Variants in DCHS2 observed in about 807,000 individuals in gnomAD.
The protein encoded by DCHS2 is dachsous cadherin-related 2.
DCHS2 carries 142 observed loss-of-function variants against 182.4 expected under a neutral mutation model. The ratio of observed to expected loss-of-function variants is 0.78; its 90% CI spans 0.68 to 0.89. The LOEUF (loss-of-function observed/expected upper bound fraction) is 0.89. Ranked by LOEUF, DCHS2 falls within the 40% of genes least tolerant of loss-of-function variation. The pLI is 0.00. For synonymous variants in DCHS2, 1,740 were observed against 1,663.3 expected, an observed-to-expected ratio of 1.05 and a Z score of -1.12; for missense variants, 4,319 against 4,198.6, an observed-to-expected ratio of 1.03 and a Z score of -0.79.
intron 5 of DCHS2, among the ~76,000 whole-genome samples, chr4:154,329,990 T>C (rs1736457434): frequency 6.6e-6 from 1 of 152,192 alleles, no homozygotes; most frequent in Admixed American, 6.5e-5. Flanking sequence ...TAAAACTCCG[T>C]GGGAACTTAG....
At chr4:154,371,250 A>C (rs1464793012) in intron 2 of DCHS2, among the ~76,000 whole-genome samples, 1 of 152,142 alleles carries the variant, frequency 6.6e-6, no homozygotes, top group Non-Finnish European at 1.5e-5. Context: ...TCAGACAACA[A>C]GAACTTCAAA....
At chr4:154,243,558 T>C (rs1289607273) in intron 16 of DCHS2, among the ~76,000 whole-genome samples, 1 of 152,156 alleles carries the variant, frequency 6.6e-6, no homozygotes, top group Non-Finnish European at 1.5e-5. Flanking sequence ...CACTCCTACC[T>C]TCAGAGCCCT....
Position 154,335,104 on chromosome 4 carries a change from C to G in DCHS2, c.2477G>C (p.Gly826Ala), listed in dbSNP as rs895949976. Residue 826 changes from glycine to alanine, a missense_variant and splice_region_variant, in exon 4 of 20, where the codon GGA (glycine) becomes GCA (alanine). Gly to Ala is a moderately conservative substitution (Grantham distance 60). Transcript: ENST00000357232. ...AAGAGGTAATGTTAAGTAAATAATT[C>G]CTGGGTAGGGAAAAGAAAACATTGG... ...SSLFTIDSTT[G>A]IIYLTLPLSH... 2.5e-6 allele frequency: 4 copies of G among 1,584,084 alleles called. No individual in the cohort carries two copies. The highest frequency in any genetic ancestry group is 1.7e-6 in the Non-Finnish European group (2 of 1,152,994).
chr4:154,340,852 T>C (rs769166986), intron 3 of DCHS2, among the ~76,000 whole-genome samples: 2 of 152,204 alleles, frequency 1.3e-5, no homozygotes, highest in Non-Finnish European at 2.9e-5. Flanking sequence ...TAACTAAGTG[T>C]AACGTCAACA....
intron 1 of DCHS2, among the ~76,000 whole-genome samples, chr4:154,453,218 C>T (rs1039570256): frequency 6.6e-6 from 1 of 150,662 alleles, no homozygotes; most frequent in Non-Finnish European, 1.5e-5. Flanking sequence ...AAGGGCCTTA[C>T]GGGACTGCAG....
intron 1 of DCHS2, among the ~76,000 whole-genome samples, chr4:154,391,891 G>A (rs544891264): frequency 6.6e-6 from 1 of 152,136 alleles, no homozygotes; most frequent in Non-Finnish European, 1.5e-5. Flanking sequence ...AGACCATTGT[G>A]CAGAGTTACA....
intron 1 of DCHS2, among the ~76,000 whole-genome samples, chr4:154,419,737 A>G (rs971382922): frequency 1.5e-4 from 22 of 151,082 alleles, no homozygotes; most frequent in African/African-American, 5.1e-4. Context: ...GGAGTCATCT[A>G]AGTCCATATG....
chr4:154,311,432 G>C (rs1377035186), intron 10 of DCHS2, among the ~76,000 whole-genome samples: 2 of 150,456 alleles, frequency 1.3e-5, no homozygotes, highest in Non-Finnish European at 3.0e-5. Context: ...GTGAGGTCTT[G>C]CTATGTTGCC....
At chr4:154,294,406 C>T (rs751996343) in intron 13 of DCHS2, among the ~76,000 whole-genome samples, 8 of 152,154 alleles carry the variant, frequency 5.3e-5, no homozygotes, top group Non-Finnish European at 7.4e-5. Context: ...TTAAACAGTA[C>T]AGCTGATATG....
intron 12 of DCHS2, among the ~76,000 whole-genome samples, chr4:154,300,654 C>A (rs141647192): frequency 3.3e-5 from 5 of 151,632 alleles, no homozygotes; most frequent in African/African-American, 1.2e-4. Context: ...TGTGCTGCTG[C>A]GGTGAGCTGT....
chr4:154,339,606 C>A (rs952096761), intron 3 of DCHS2, among the ~76,000 whole-genome samples: 3 of 152,076 alleles, frequency 2.0e-5, no homozygotes, highest in African/African-American at 7.2e-5. Flanking sequence ...CCTACCATCA[C>A]GCCTAGCTAA....
chr4:154,310,791 G>A (rs1179774834), intron 10 of DCHS2, among the ~76,000 whole-genome samples: 2 of 152,136 alleles, frequency 1.3e-5, no homozygotes, highest in Non-Finnish European at 2.9e-5. Context: ...GAGATATTAT[G>A]ATGACATCAT....
chr4:154,317,817 C>T (rs186174626), intron 9 of DCHS2, among the ~76,000 whole-genome samples: 47 of 152,196 alleles, frequency 3.1e-4, no homozygotes, highest in Non-Finnish European at 4.6e-4. Flanking sequence ...GGGTGAGTGA[C>T]ATTTCTGCAG....
intron 1 of DCHS2, among the ~76,000 whole-genome samples, chr4:154,387,195 G>A (rs773512129): frequency 1.3e-5 from 2 of 152,136 alleles, no homozygotes; most frequent in East Asian, 1.9e-4. Flanking sequence ...AAGCAACCAC[G>A]AATTCTACTA....
At position 154,417,194 on chromosome 4, in the gene DCHS2, TGTGTGTGTGTGAGAGA is replaced by T. The variant is rs1487672953; in HGVS notation, c.2053-39766_2053-39751del. ...GTGTGTGTGTGTGTGTGTGTGTGTGTGTGTGTGTGTGAGAGAGAGAGAGAGAGAGAGAGAGAGAGAG... is the reference window on the plus strand; with the variant it reads ...GTGTGTGTGTGTGTGTGTGTGTGTGTGAGAGAGAGAGAGAGAGAGAGAGAG... On this transcript the variant is annotated intron_variant, in intron 1 of 19. Coordinates refer to ENST00000357232, the MANE Select transcript of DCHS2 (RefSeq NM_001358235.2). Among the ~76,000 whole-genome samples the T allele has an allele frequency of 1.3e-3, 122 of 91,624 alleles. 2 individuals carry two copies. The Middle Eastern group carries it at 0.036, about 27-fold the overall frequency. 60.1% of individuals were successfully genotyped at this position (91,624 alleles called of 152,430 possible). A position where few individuals can be genotyped will look rare whatever the true frequency, so the allele number is the denominator to read the frequency against.
intron 1 of DCHS2, among the ~76,000 whole-genome samples, chr4:154,444,104 A>T (rs1022607604): frequency 6.6e-6 from 1 of 152,070 alleles, no homozygotes; most frequent in African/African-American, 2.4e-5. Flanking sequence ...GGCCCAGCCC[A>T]TGGGCCTCTT....
At chr4:154,371,779 G>C (rs1348716261) in intron 2 of DCHS2, among the ~76,000 whole-genome samples, 2 of 151,990 alleles carry the variant, frequency 1.3e-5, no homozygotes, top group Non-Finnish European at 2.9e-5. Flanking sequence ...GGAGGCAGAG[G>C]GGTGTTGCTA....
chr4:154,412,651 T>G (rs1225018168), intron 1 of DCHS2, among the ~76,000 whole-genome samples: 2 of 152,206 alleles, frequency 1.3e-5, no homozygotes, highest in Non-Finnish European at 2.9e-5. Flanking sequence ...TTTATAGGAC[T>G]AAAATGTGGG....
At chr4:154,407,982 A>AGTACCGTCCACCTCTCAC (rs988416510) in intron 1 of DCHS2, among the ~76,000 whole-genome samples, 5 of 152,080 alleles carry the variant, frequency 3.3e-5, no homozygotes, top group African/African-American at 1.2e-4. Flanking sequence ...ACCCACCCCA[A>AGTACCGTCCACCTCTCAC]GTACCGTCCA....
Sources: allele counts gnomAD v4.1 joint callset (sites outside exome capture counted in the v4.1 genomes callset), GRCh38; gene constraint gnomAD v4.1.1; transcripts MANE v1.5; gene names NCBI Gene and HGNC (gene_info 2026-07-23, HGNC 2026-07-21).